Variants in RBFOX1 observed in about 807,000 individuals in gnomAD.
RBFOX1 encodes RNA binding protein fox-1 homolog 1.
Under a neutral mutation model 57.7 loss-of-function variants are expected in RBFOX1, and 8 were observed. That is an observed-to-expected ratio of 0.14 (90% CI 0.08 to 0.25). The LOEUF (loss-of-function observed/expected upper bound fraction) is 0.25, where lower values mean the gene tolerates loss of function less well. Among genes scored for constraint, RBFOX1 ranks in the 10% least tolerant of loss-of-function variants. The pLI, the probability that RBFOX1 is intolerant of heterozygous loss-of-function variation, is 1.00. For synonymous variants in RBFOX1, 326 were observed against 222.4 expected, an observed-to-expected ratio of 1.47 and a Z score of -4.15; for missense variants, 611 against 548.5, an observed-to-expected ratio of 1.11 and a Z score of -1.14.
chr16:5,522,436 T>A (rs2044058812), intron 2 of RBFOX1, among the ~76,000 whole-genome samples: 1 of 152,252 alleles, frequency 6.6e-6, no homozygotes, highest in Non-Finnish European at 1.5e-5. Context: ...TTGCAGATAT[T>A]TAAGAGGTAC....
At chr16:5,601,811 A>G (rs879604003), downstream of RBFOX1, 1 of 152,270 alleles carries the variant, frequency 6.6e-6, no homozygotes, top group Non-Finnish European at 1.5e-5. Flanking sequence ...ATTGCCCACA[A>G]TAGGATCAAA....
intron 1 of RBFOX1, among the ~76,000 whole-genome samples, chr16:6,098,096 A>C (rs1005290593): frequency 2.0e-5 from 3 of 152,128 alleles, no homozygotes; most frequent in Admixed American, 2.0e-4. Flanking sequence ...TTGAGAGGAG[A>C]AGGGGTCGGT....
chr16:5,960,775 C>G (rs2059732324), intron 4 of RBFOX1, among the ~76,000 whole-genome samples: 1 of 152,130 alleles, frequency 6.6e-6, no homozygotes, highest in Non-Finnish European at 1.5e-5. Flanking sequence ...GCCAAACATC[C>G]CTTTGATTTA....
chr16:5,643,653 G>A (rs2048952251), intron 3 of RBFOX1, among the ~76,000 whole-genome samples: 1 of 152,168 alleles, frequency 6.6e-6, no homozygotes, highest in Non-Finnish European at 1.5e-5. Context: ...ATGATTTGAT[G>A]TAGGAACTTC....
At chr16:6,226,499 A>G (rs935478633) in intron 1 of RBFOX1, among the ~76,000 whole-genome samples, 4 of 152,172 alleles carry the variant, frequency 2.6e-5, no homozygotes, top group African/African-American at 9.6e-5. Context: ...TGCATTGCCC[A>G]TGACCACTCA....
intron 4 of RBFOX1, among the ~76,000 whole-genome samples, chr16:5,922,839 T>G (rs770849529): frequency 9.2e-5 from 14 of 152,224 alleles, no homozygotes; most frequent in Non-Finnish European, 1.9e-4. Context: ...GAAGGAAGTG[T>G]AAAATATTCA....
intron 1 of RBFOX1, among the ~76,000 whole-genome samples, chr16:6,149,744 C>T (rs1167894769): frequency 6.6e-6 from 1 of 152,206 alleles, no homozygotes; most frequent in Non-Finnish European, 1.5e-5. Context: ...ACCTTTAAGA[C>T]TGGAGAAAGA....
chr16:5,548,172 AAAATATAT>A lies in RBFOX1; in HGVS notation c.259-50728_259-50721del, dbSNP rs1323514085. Reference sequence around the variant, plus strand: ...CAAGACTCTGTTAAAAAAAAAAAAAAAAATATATATATATATATATATATATATATATA... The same window carrying A: ...CAAGACTCTGTTAAAAAAAAAAAAAAATATATATATATATATATATATATA... On this transcript the variant is annotated intron_variant, in intron 2 of 2. Transcript: ENST00000585867. Among the ~76,000 whole-genome samples the A allele has an allele frequency of 8.6e-3, 244 of 28,252 alleles. 4 individuals are homozygous for A. The highest frequency in any genetic ancestry group is 0.028 in the Middle Eastern group (1 of 36). 18.5% of individuals were successfully genotyped at this position (28,252 alleles called of 152,430 possible).
At chr16:7,227,369 C>G (rs916493045) in intron 4 of RBFOX1, among the ~76,000 whole-genome samples, 1 of 148,114 alleles carries the variant, frequency 6.8e-6, no homozygotes, top group African/African-American at 2.4e-5. Flanking sequence ...TCACTTAGCT[C>G]ACTGCATAAT....
At chr16:6,763,121 C>A (rs1201399393) in intron 3 of RBFOX1, among the ~76,000 whole-genome samples, 1 of 152,192 alleles carries the variant, frequency 6.6e-6, no homozygotes, top group Non-Finnish European at 1.5e-5. Flanking sequence ...GTCTCCTCCA[C>A]CTCTAAAATG....
chr16:6,961,990 A>G (rs2083122303), intron 3 of RBFOX1, among the ~76,000 whole-genome samples: 4 of 152,096 alleles, frequency 2.6e-5, no homozygotes, highest in African/African-American at 2.4e-5. Context: ...TCATGGGAAT[A>G]CAGCTCAGTA....
At chr16:5,736,678 C>T (rs753483075) in intron 3 of RBFOX1, among the ~76,000 whole-genome samples, 6 of 152,142 alleles carry the variant, frequency 3.9e-5, no homozygotes, top group Admixed American at 2.6e-4. Flanking sequence ...GCTGGTGTCT[C>T]TCAGATTGTC....
rs532099702 is a variant in RBFOX1, at chr16:7,179,809, A to G, written c.27+127711A>G. On this transcript the variant is annotated intron_variant, in intron 4 of 15. Transcript: ENST00000550418. ...GAATGCAGTGGCATGATCTCGGCTC[A>G]CTGCAACCTACTCCTCCCAGGTTCA... Among the ~76,000 whole-genome samples the G allele has an allele frequency of 3.8e-3, 584 of 152,056 alleles. 2 individuals are homozygous for G. The highest frequency in any genetic ancestry group is 0.012 in the African/African-American group (512 of 41,472).
At chr16:6,482,202 C>G (rs1337345424) in intron 2 of RBFOX1, among the ~76,000 whole-genome samples, 2 of 152,144 alleles carry the variant, frequency 1.3e-5, no homozygotes, top group Non-Finnish European at 2.9e-5. Flanking sequence ...CATTGTTGAT[C>G]AAATATAGGA....
At chr16:7,378,859 G>A (rs1007039783) in intron 4 of RBFOX1, among the ~76,000 whole-genome samples, 1 of 152,114 alleles carries the variant, frequency 6.6e-6, no homozygotes, top group Non-Finnish European at 1.5e-5. Flanking sequence ...AAAGAGGTGG[G>A]GTAGTGTATT....
intron 4 of RBFOX1, among the ~76,000 whole-genome samples, chr16:7,313,470 C>G (rs1386738148): frequency 7.9e-5 from 6 of 76,410 alleles, no homozygotes; most frequent in Admixed American, 5.2e-4. Flanking sequence ...TTTTTCTTTT[C>G]TTGTCTTTTT....
chr16:7,421,566 C>G (rs573509692), intron 4 of RBFOX1, among the ~76,000 whole-genome samples: 27 of 152,320 alleles, frequency 1.8e-4, no homozygotes, highest in African/African-American at 6.3e-4. Flanking sequence ...CTGAGCGTAC[C>G]TAACCTACAG....
intron 1 of RBFOX1, among the ~76,000 whole-genome samples, chr16:5,267,273 C>G (rs2062882577): frequency 6.6e-6 from 1 of 150,416 alleles, no homozygotes. Context: ...AACATTAATT[C>G]TGTTACAAGG....
At chr16:7,321,463 A>C (rs567688528) in intron 4 of RBFOX1, among the ~76,000 whole-genome samples, 20 of 152,114 alleles carry the variant, frequency 1.3e-4, no homozygotes, top group African/African-American at 4.6e-4. Context: ...ATATGTTTTC[A>C]AAAAACAAAC....
Sources: gnomAD v4.1 joint callset for allele counts (sites outside exome capture counted in the v4.1 genomes callset) on GRCh38, gnomAD v4.1.1 for gene constraint, MANE v1.5 for transcripts, NCBI Gene and HGNC (gene_info 2026-07-23, HGNC 2026-07-21) for gene names.